BCL9: variants seen among roughly 807,000 people sequenced by gnomAD.
The protein encoded by BCL9 is BCL9 transcription coactivator, also known as B-cell CLL/lymphoma 9 protein.
Under a neutral mutation model 88.5 loss-of-function variants are expected in BCL9, and 25 were observed. That is an observed-to-expected ratio of 0.28 (90% CI 0.21 to 0.39). The LOEUF (loss-of-function observed/expected upper bound fraction) is 0.39, where lower values mean the gene tolerates loss of function less well. Among genes scored for constraint, BCL9 ranks in the 10% least tolerant of loss-of-function variants. The pLI, the probability that BCL9 is intolerant of heterozygous loss-of-function variation, is 1.00. For synonymous variants in BCL9, 711 were observed against 673.3 expected (o/e 1.06, Z -0.87); for missense variants, 1,817 against 1,877.8 (o/e 0.97, Z 0.60).
chr1:147,592,807 A>G (rs1553200075), intron 1 of BCL9, among the ~76,000 whole-genome samples: 1 of 152,194 alleles, frequency 6.6e-6, no homozygotes, highest in African/African-American at 2.4e-5. Context: ...CTATTCCTAC[A>G]TGTCTACAGT....
intron 1 of BCL9, among the ~76,000 whole-genome samples, chr1:147,586,085 T>C (rs1210585934): frequency 6.6e-6 from 1 of 152,124 alleles, no homozygotes; most frequent in Non-Finnish European, 1.5e-5. Context: ...TGGCACTTTA[T>C]CTCTCAACTG....
intron 3 of BCL9, among the ~76,000 whole-genome samples, chr1:147,607,591 A>T (rs587757286): frequency 6.6e-6 from 1 of 152,342 alleles, no homozygotes; most frequent in East Asian, 1.9e-4. Context: ...GCATTAAGGG[A>T]TTCTTCTCCT....
At chr1:147,572,376 T>G (rs1655926053) in intron 1 of BCL9, among the ~76,000 whole-genome samples, 1 of 152,254 alleles carries the variant, frequency 6.6e-6, no homozygotes, top group Non-Finnish European at 1.5e-5. Flanking sequence ...GGAGCAGGCT[T>G]TCTCAGAAAA....
intron 1 of BCL9, among the ~76,000 whole-genome samples, chr1:147,594,865 T>C (rs1463680617): frequency 6.6e-6 from 1 of 152,144 alleles, no homozygotes; most frequent in African/African-American, 2.4e-5. Flanking sequence ...TGGCAGAGAA[T>C]GTAGGTTGCC....
chr1:147,564,949 T>C (rs1553196522), intron 1 of BCL9, among the ~76,000 whole-genome samples: 2 of 152,198 alleles, frequency 1.3e-5, no homozygotes, highest in South Asian at 2.1e-4. Flanking sequence ...TTCAGCTCTT[T>C]AGTCACACTA....
intron 1 of BCL9, among the ~76,000 whole-genome samples, chr1:147,542,306 C>T (rs1467068589): frequency 7.2e-5 from 11 of 152,222 alleles, no homozygotes; most frequent in African/African-American, 2.7e-4. Flanking sequence ...TGCCACAAGA[C>T]GATCCAGAAA....
chr1:147,620,407 G>A lies in BCL9; in HGVS notation c.2252G>A (p.Arg751His), dbSNP rs375997146. 68 of 1,613,916 alleles carry A rather than the reference G, an allele frequency of 4.2e-5. No individual in the cohort carries two copies. The highest frequency in any genetic ancestry group is 5.1e-5 in the Non-Finnish European group (60 of 1,180,006). The part of the protein sequence containing the change: ...GAGPEEMLKL[R>H]PGGSDMLPAQ... ...GGCCCTGAGGAGATGCTGAAATTAC[G>A]CCCAGGTGGCTCAGACATGCTGCCT... is the stretch of plus-strand genomic sequence containing the variant. The change falls in exon 8 of 10, where the codon CGC becomes CAC. Residue 751 changes from arginine (R) to histidine (H), a missense_variant. Coordinates refer to ENST00000234739, the MANE Select transcript of BCL9 (RefSeq NM_004326.4).
In BCL9 at chr1:147,619,881, C is replaced by A. The variant is rs782455883; in HGVS notation, c.1726C>A (p.Pro576Thr). ...AGMINSEMEG[P>T]NVPNPASRPG... ...CATGATAAACTCTGAAATGGAAGGG[C>A]CGAATGTCCCCAACCCTGCATCTAG... Residue 576 changes from proline to threonine, a missense_variant, in exon 8 of 10, where the codon CCG (proline) becomes ACG (threonine). This residue lies in a region of BCL9 where 1,228 missense variants were observed against 1,191.6 expected (regional missense o/e 1.03). Transcript: ENST00000234739. The surrounding 1 kb of genome is among the most constrained non-coding windows in gnomAD (Gnocchi z 4.1). The A allele has an allele frequency of 6.2e-7, 1 of 1,614,162 alleles. No individual in the cohort carries two copies. Among genetic ancestry groups the A allele is most frequent in the Non-Finnish European group, 8.5e-7 (1 of 1,180,022 alleles).
intron 1 of BCL9, among the ~76,000 whole-genome samples, chr1:147,555,888 C>A (rs1553195382): frequency 6.6e-6 from 1 of 152,208 alleles, no homozygotes; most frequent in African/African-American, 2.4e-5. Flanking sequence ...GAAACAACAT[C>A]TCTTTTGCAC....
At chr1:147,600,736 C>T (rs1336902624) in intron 1 of BCL9, among the ~76,000 whole-genome samples, 1 of 151,674 alleles carries the variant, frequency 6.6e-6, no homozygotes, top group Non-Finnish European at 1.5e-5. Flanking sequence ...TCTGTAAGAC[C>T]CCTGAGATGG....
At chr1:147,556,501 G>A (rs1655122517) in intron 1 of BCL9, among the ~76,000 whole-genome samples, 1 of 151,376 alleles carries the variant, frequency 6.6e-6, no homozygotes, top group South Asian at 2.1e-4. Flanking sequence ...GCCCAGGCTG[G>A]AATGCAGTGG....
chr1:147,611,970 T>A, intron 4 of BCL9, 81 bp downstream of exon 4: 1 of 1,399,010 alleles, frequency 7.1e-7, no homozygotes, highest in South Asian at 1.2e-5. Context: ...GGTGAAACAG[T>A]ATGTTGAATT....
At chr1:147,550,820 C>T (rs1654865121) in intron 1 of BCL9, among the ~76,000 whole-genome samples, 1 of 152,174 alleles carries the variant, frequency 6.6e-6, no homozygotes, top group Admixed American at 6.5e-5. Context: ...CTCAGTTCAT[C>T]ATCTGTAAAA....
In BCL9 at chr1:147,613,017, C is replaced by T; in HGVS notation, c.188C>T (p.Pro63Leu). The T allele has an allele frequency of 6.2e-7, 1 of 1,604,282 alleles. No individual in the cohort carries two copies. Among genetic ancestry groups the T allele is most frequent in the African/African-American group, 1.3e-5 (1 of 74,712 alleles). Residue 63 changes from proline to leucine, a missense_variant, in exon 5 of 10, where the codon CCC (proline) becomes CTC (leucine). This residue lies in a region of BCL9 where 1,228 missense variants were observed against 1,191.6 expected (regional missense o/e 1.03). Transcript: ENST00000234739. ...GGSASQSQPS[P>L]CDSKSGGHTP... is the part of the protein sequence containing the mutation. ...TCAGCCAGCCAATCCCAGCCATCCC[C>T]CTGTGACTCCAAGAGTGGGGGCCAT... is the stretch of plus-strand genomic sequence containing the variant.
chr1:147,570,042 T>C (rs1185306975), intron 1 of BCL9, among the ~76,000 whole-genome samples: 1 of 152,198 alleles, frequency 6.6e-6, no homozygotes, highest in East Asian at 1.9e-4. Flanking sequence ...CTAACGGAGC[T>C]TGTGGTTGGA....
rs587616397 is a variant in BCL9, at chr1:147,546,107, C to T, written c.-478+4433C>T. ...ATCCCAGCACTTTGGGAGGCCGAGG[C>T]GGGCGGATCACGAGGTCAGGAGATC... is the stretch of plus-strand genomic sequence containing the variant. On this transcript the variant is annotated intron_variant, in intron 1 of 9. Transcript: ENST00000234739. Among the ~76,000 whole-genome samples, 3 of 152,120 alleles carry T rather than the reference C, an allele frequency of 2.0e-5. No individual in the cohort carries two copies. In the South Asian group the frequency reaches 6.2e-4, roughly 32 times the overall value.
intron 1 of BCL9, among the ~76,000 whole-genome samples, chr1:147,567,822 A>T (rs1266127784): frequency 1.3e-5 from 2 of 152,148 alleles, no homozygotes; most frequent in Non-Finnish European, 2.9e-5. Flanking sequence ...TCTAATGTGC[A>T]GATCCCCTTA....
chr1:147,557,032 C>T (rs1299922612), intron 1 of BCL9, among the ~76,000 whole-genome samples: 1 of 152,170 alleles, frequency 6.6e-6, no homozygotes, highest in Admixed American at 6.5e-5. Context: ...AAGCAGCAAT[C>T]TACTGTCTAG....
intron 1 of BCL9, among the ~76,000 whole-genome samples, chr1:147,563,574 A>G (rs1371485131): frequency 1.3e-5 from 2 of 152,216 alleles, no homozygotes; most frequent in East Asian, 3.8e-4. Context: ...GAACAAAGGC[A>G]TCACTTCAGT....
Sources: gnomAD v4.1 joint callset for allele counts (sites outside exome capture counted in the v4.1 genomes callset) on GRCh38, gnomAD v4.1.1 for gene constraint, gnomAD v4.1.1 regional missense constraint, Gnocchi (gnomAD v3.1) non-coding constraint, MANE v1.5 for transcripts, NCBI Gene and HGNC (gene_info 2026-07-23, HGNC 2026-07-21) for gene names.